The following CCNY variants were observed in gnomAD, a reference collection of about 807,000 sequenced individuals.
CCNY encodes cyclin Y, also known as cyclin-Y.
A neutral mutation model predicts 42.8 loss-of-function variants in CCNY; 19 were observed. The observed-to-expected ratio is 0.44, with a 90% CI of 0.31 to 0.65. The LOEUF (loss-of-function observed/expected upper bound fraction) is 0.65, where lower values mean the gene tolerates loss of function less well. Ranked by LOEUF, CCNY falls within the 30% of genes least tolerant of loss-of-function variation. The pLI, the probability that CCNY is intolerant of heterozygous loss-of-function variation, is 0.07. For synonymous variants in CCNY, 165 were observed against 162.7 expected (o/e 1.01, Z -0.11); for missense variants, 370 against 437.3 (o/e 0.85, Z 1.37).
intron 1 of CCNY, among the ~76,000 whole-genome samples, chr10:35,339,837 A>C (rs1836134841): frequency 3.3e-5 from 5 of 152,126 alleles, no homozygotes; most frequent in Admixed American, 3.3e-4. Flanking sequence ...CTTTTTGCTC[A>C]GTTTATCTTA....
chr10:35,399,500 G>A (rs1291145052), intron 1 of CCNY, among the ~76,000 whole-genome samples: 1 of 152,170 alleles, frequency 6.6e-6, no homozygotes, highest in East Asian at 1.9e-4. Context: ...ACACAACGCT[G>A]TTTAATTCAA....
chr10:35,404,147 T>TG (rs1837705510), intron 1 of CCNY, among the ~76,000 whole-genome samples: 1 of 152,194 alleles, frequency 6.6e-6, no homozygotes, highest in Admixed American at 6.5e-5. Flanking sequence ...TTATGAGAAC[T>TG]GTAGAGAGTG....
chr10:35,474,474 A>G (rs531123698), intron 1 of CCNY, among the ~76,000 whole-genome samples: 2 of 152,334 alleles, frequency 1.3e-5, no homozygotes, highest in South Asian at 4.1e-4. Context: ...TGCCTCCTCA[A>G]GTGGGTCCCT....
At chr10:35,473,940 C>G (rs1467422850) in intron 1 of CCNY, among the ~76,000 whole-genome samples, 1 of 152,178 alleles carries the variant, frequency 6.6e-6, no homozygotes, top group Non-Finnish European at 1.5e-5. Flanking sequence ...TGGGTGCGCG[C>G]ACCATGCGCG....
intron 1 of CCNY, among the ~76,000 whole-genome samples, chr10:35,339,737 T>C (rs1386817973): frequency 6.6e-6 from 1 of 152,204 alleles, no homozygotes; most frequent in Non-Finnish European, 1.5e-5. Context: ...ACCAGGCACA[T>C]GAAGGGGTAA....
chr10:35,288,811 A>G (rs988469299), intron 3 of CCNY, among the ~76,000 whole-genome samples: 2 of 152,194 alleles, frequency 1.3e-5, no homozygotes, highest in Admixed American at 1.3e-4. Context: ...CCAATGTATG[A>G]ATACATTTTT....
chr10:35,509,239 T>C (rs948664151), intron 3 of CCNY, among the ~76,000 whole-genome samples: 2 of 152,202 alleles, frequency 1.3e-5, no homozygotes, highest in East Asian at 1.9e-4. Context: ...TTAGTCTTGC[T>C]GTAAATAATT....
chr10:35,553,228 C>T (rs1379093614), intron 8 of CCNY, 43 bp downstream of exon 8: 2 of 1,595,418 alleles, frequency 1.3e-6, no homozygotes, highest in Admixed American at 1.7e-5. Flanking sequence ...GAGTCTTGGC[C>T]AGACCATTTG....
intron 3 of CCNY, among the ~76,000 whole-genome samples, chr10:35,506,501 G>T (rs1840217449): frequency 6.6e-6 from 1 of 152,164 alleles, no homozygotes; most frequent in Non-Finnish European, 1.5e-5. Flanking sequence ...TTCCTTAAGT[G>T]TATTGGTTAT....
chr10:35,310,162 G>C (rs1256441606), intron 3 of CCNY, among the ~76,000 whole-genome samples: 1 of 152,162 alleles, frequency 6.6e-6, no homozygotes, highest in Non-Finnish European at 1.5e-5. Flanking sequence ...CTACATATTA[G>C]AGAGATCATG....
chr10:35,548,495 A>G (rs552087204), intron 7 of CCNY, among the ~76,000 whole-genome samples: 92 of 152,054 alleles, frequency 6.1e-4, no homozygotes, highest in South Asian at 1.5e-3. Context: ...ACGGGGTTTC[A>G]CCATGTTGGC....
intron 9 of CCNY, among the ~76,000 whole-genome samples, chr10:35,566,828 C>T (rs958364596): frequency 6.6e-6 from 1 of 151,980 alleles, no homozygotes; most frequent in Non-Finnish European, 1.5e-5. Flanking sequence ...GCCTCAGCCT[C>T]CCTAGTAGCT....
intron 1 of CCNY, among the ~76,000 whole-genome samples, chr10:35,353,192 G>T (rs1277396604): frequency 1.3e-5 from 2 of 152,186 alleles, no homozygotes; most frequent in African/African-American, 4.8e-5. Context: ...CTCCCAAAGT[G>T]CTGGGATTAC....
At chr10:35,291,939 G>A (rs936339126) in intron 3 of CCNY, among the ~76,000 whole-genome samples, 2 of 152,150 alleles carry the variant, frequency 1.3e-5, no homozygotes, top group Non-Finnish European at 2.9e-5. Flanking sequence ...TTAACCTTTT[G>A]AGAAATTACC....
At chr10:35,524,578 C>T (rs982153736) in intron 4 of CCNY, among the ~76,000 whole-genome samples, 8 of 152,120 alleles carry the variant, frequency 5.3e-5, no homozygotes, top group East Asian at 1.9e-4. Context: ...ATCAGAACAC[C>T]GTCTGTTGCA....
Position 35,251,915 on chromosome 10 carries a change from T to C in CCNY, c.-9+1289T>C, listed in dbSNP as rs75544497. On this transcript the variant is annotated intron_variant, in intron 3 of 11. Transcript: ENST00000374706. ...TCAACACAACTTTTAATGACATTTTTCTGCAACTTTCAGACACCTACAGCC... is the reference window on the plus strand; with the variant it reads ...TCAACACAACTTTTAATGACATTTTCCTGCAACTTTCAGACACCTACAGCC... Among the ~76,000 whole-genome samples, 250 of 152,300 alleles carry C rather than the reference T, an allele frequency of 1.6e-3. 6 individuals are homozygous for C. The East Asian group carries it at 0.045, about 27-fold the overall frequency.
intron 1 of CCNY, among the ~76,000 whole-genome samples, chr10:35,452,185 A>G (rs1377378077): frequency 6.6e-6 from 1 of 152,176 alleles, no homozygotes; most frequent in Admixed American, 6.5e-5. Context: ...TTGAAGTTGC[A>G]GTTGTTGACT....
intron 2 of CCNY, among the ~76,000 whole-genome samples, chr10:35,484,452 T>C (rs1215601569): frequency 6.6e-6 from 1 of 152,210 alleles, no homozygotes; most frequent in Non-Finnish European, 1.5e-5. Flanking sequence ...TTGATGTGTT[T>C]ATGAAAAGTA....
chr10:35,418,477 A>G (rs1838075300), intron 1 of CCNY, among the ~76,000 whole-genome samples: 1 of 152,228 alleles, frequency 6.6e-6, no homozygotes, highest in South Asian at 2.1e-4. Context: ...TCTATGAAGC[A>G]GTGGGAGCCA....
Sources: gnomAD v4.1 joint callset for allele counts (sites outside exome capture counted in the v4.1 genomes callset) on GRCh38, gnomAD v4.1.1 for gene constraint, MANE v1.5 for transcripts, NCBI Gene and HGNC (gene_info 2026-07-23, HGNC 2026-07-21) for gene names.